Variants in DLG2 observed in about 807,000 individuals in gnomAD.
DLG2 encodes the protein disks large homolog 2.
DLG2 carries 45 observed loss-of-function variants against 132.5 expected under a neutral mutation model. The observed-to-expected ratio is 0.34, with a 90% confidence interval of 0.27 to 0.44. The LOEUF (loss-of-function observed/expected upper bound fraction) is 0.44, where lower values mean the gene tolerates loss of function less well. Ranked by LOEUF, DLG2 falls within the 20% of genes least tolerant of loss-of-function variation. The pLI, the probability that DLG2 is intolerant of heterozygous loss-of-function variation, is 1.00. For synonymous variants in DLG2, 424 were observed against 419.6 expected, an observed-to-expected ratio of 1.01 and a Z score of -0.13; for missense variants, 1,045 against 1,196.9, an observed-to-expected ratio of 0.87 and a Z score of 1.87.
chr11:85,316,498 G>A (rs1473823385), intron 3 of DLG2, among the ~76,000 whole-genome samples: 1 of 151,864 alleles, frequency 6.6e-6, no homozygotes, highest in African/African-American at 2.4e-5. Flanking sequence ...GGAGCAAGGT[G>A]GGTTACAGGT....
At chr11:84,806,183 C>T (rs1305130541) in intron 6 of DLG2, among the ~76,000 whole-genome samples, 1 of 151,794 alleles carries the variant, frequency 6.6e-6, no homozygotes. Flanking sequence ...GGATCTGTAG[C>T]ATTATTTAAA....
intron 27 of DLG2, among the ~76,000 whole-genome samples, chr11:83,460,586 A>G (rs2089706651): frequency 6.6e-6 from 1 of 152,220 alleles, no homozygotes; most frequent in Admixed American, 6.5e-5. Context: ...CTCCTAAAAC[A>G]CTAAGTCACT....
intron 9 of DLG2, among the ~76,000 whole-genome samples, chr11:84,159,403 G>T (rs1353826808): frequency 6.6e-6 from 1 of 152,118 alleles, no homozygotes; most frequent in Non-Finnish European, 1.5e-5. Context: ...GATGATATTT[G>T]AGCAGATATT....
chr11:84,886,008 A>G (rs1467529306), intron 6 of DLG2, among the ~76,000 whole-genome samples: 1 of 152,102 alleles, frequency 6.6e-6, no homozygotes, highest in African/African-American at 2.4e-5. Context: ...TTTAAAGATT[A>G]GTTAAGACAG....
At chr11:83,546,545 T>C (rs948814803) in intron 19 of DLG2, among the ~76,000 whole-genome samples, 10 of 152,156 alleles carry the variant, frequency 6.6e-5, no homozygotes, top group African/African-American at 2.4e-4. Flanking sequence ...TTTGTTATTA[T>C]TTCTGACAAC....
At chr11:84,108,446 G>C (rs894525106) in intron 9 of DLG2, among the ~76,000 whole-genome samples, 5 of 152,110 alleles carry the variant, frequency 3.3e-5, no homozygotes, top group African/African-American at 1.2e-4. Flanking sequence ...GAAAGACCTA[G>C]GGTAGAAGGA....
At chr11:85,269,999 A>C (rs1301109125) in intron 4 of DLG2, among the ~76,000 whole-genome samples, 2 of 152,244 alleles carry the variant, frequency 1.3e-5, no homozygotes, top group Admixed American at 1.3e-4. Flanking sequence ...TAAGGGCCAG[A>C]TAAGTGTTAG....
intron 7 of DLG2, among the ~76,000 whole-genome samples, chr11:84,530,030 C>A (rs906333576): frequency 3.3e-5 from 5 of 152,030 alleles, no homozygotes; most frequent in African/African-American, 9.7e-5. Context: ...TGGAAAAAAA[C>A]CGGCAATGGG....
At chr11:83,891,324 T>C (rs12364727) in intron 15 of DLG2, among the ~76,000 whole-genome samples, 11,200 of 152,158 alleles carry the variant, frequency 0.074, 535 homozygotes, top group African/African-American at 0.13. Context: ...AGAAGGCATG[T>C]CAGCCAAAAA....
chr11:83,884,834 C>T (rs1284212042), intron 15 of DLG2, among the ~76,000 whole-genome samples: 1 of 152,196 alleles, frequency 6.6e-6, no homozygotes, highest in Non-Finnish European at 1.5e-5. Flanking sequence ...CCCAGGCAAA[C>T]AGGGTCTGGA....
At chr11:83,841,760 G>T (rs960961385) in intron 16 of DLG2, among the ~76,000 whole-genome samples, 2 of 152,200 alleles carry the variant, frequency 1.3e-5, no homozygotes, top group Non-Finnish European at 2.9e-5. Flanking sequence ...AACAAAGTTA[G>T]ATAGCTACTT....
intron 8 of DLG2, among the ~76,000 whole-genome samples, chr11:84,186,065 G>A (rs1264817980): frequency 6.6e-6 from 1 of 152,092 alleles, no homozygotes; most frequent in Non-Finnish European, 1.5e-5. Context: ...TATATGACAA[G>A]TTGACTTCCT....
intron 3 of DLG2, among the ~76,000 whole-genome samples, chr11:85,312,305 C>A (rs780118557): frequency 3.3e-5 from 5 of 151,264 alleles, no homozygotes; most frequent in East Asian, 1.9e-4. Context: ...CAATATTAAA[C>A]CTATATAAGG....
chr11:83,702,461 C>G (rs2083132361), intron 18 of DLG2, among the ~76,000 whole-genome samples: 1 of 152,176 alleles, frequency 6.6e-6, no homozygotes, highest in Non-Finnish European at 1.5e-5. Context: ...AAGACTGACA[C>G]AGTTCTACAA....
intron 8 of DLG2, among the ~76,000 whole-genome samples, chr11:84,225,694 A>G (rs957304874): frequency 6.6e-6 from 1 of 151,904 alleles, no homozygotes; most frequent in African/African-American, 2.4e-5. Flanking sequence ...AATTCTCTAT[A>G]TTTTTCATCT....
At chr11:85,509,176 A>T (rs1342587862) in intron 3 of DLG2, among the ~76,000 whole-genome samples, 3 of 152,078 alleles carry the variant, frequency 2.0e-5, no homozygotes, top group Non-Finnish European at 4.4e-5. Context: ...TCACGGTTCA[A>T]GGAATCCCAT....
rs555970147 is a variant in DLG2 at position 84,733,755 on chromosome 11, G to A, written c.358-199024C>T. On this transcript the variant is annotated intron_variant, in intron 6 of 27. Transcript: ENST00000376104. ...GGTAATGCCTAGGTTTTCTTCTAGG[G>A]TTTTTATGGTTTTAGGTCTAACACT... Among the ~76,000 whole-genome samples the A allele has an allele frequency of 2.0e-5, 3 of 152,256 alleles. No individual in the cohort carries two copies. The South Asian group carries it at 6.2e-4, about 32-fold the overall frequency.
At chr11:84,848,353 G>A (rs1026387231) in intron 6 of DLG2, among the ~76,000 whole-genome samples, 4 of 151,992 alleles carry the variant, frequency 2.6e-5, no homozygotes, top group Admixed American at 2.6e-4. Flanking sequence ...AATTAGCCAG[G>A]CATGGTGGTG....
intron 10 of DLG2, among the ~76,000 whole-genome samples, chr11:84,092,972 G>GT (rs2097114936): frequency 6.6e-6 from 1 of 151,338 alleles, no homozygotes; most frequent in Non-Finnish European, 1.5e-5. Flanking sequence ...GAAGGCGGAG[G>GT]TGGCAGTGAG....
Sources: gnomAD v4.1 joint callset for allele counts (sites outside exome capture counted in the v4.1 genomes callset) on GRCh38, gnomAD v4.1.1 for gene constraint, MANE v1.5 for transcripts, NCBI Gene and HGNC (gene_info 2026-07-23, HGNC 2026-07-21) for gene names.